SLC14A2: variants seen among roughly 807,000 people sequenced by gnomAD.
The protein encoded by SLC14A2 is solute carrier family 14 member 2.
SLC14A2 carries 91 observed loss-of-function variants against 104.6 expected under a neutral mutation model. The ratio of observed to expected loss-of-function variants is 0.87; its 90% CI spans 0.73 to 1.04. SLC14A2 has a LOEUF of 1.04. Ranked by LOEUF, SLC14A2 falls within the 50% of genes least tolerant of loss-of-function variation. The pLI, the probability that SLC14A2 is intolerant of heterozygous loss-of-function variation, is 0.00. For synonymous variants in SLC14A2, 476 were observed against 466.4 expected, an observed-to-expected ratio of 1.02 and a Z score of -0.27; for missense variants, 1,189 against 1,156.0, an observed-to-expected ratio of 1.03 and a Z score of -0.41.
At chr18:45,385,900 T>C (rs1344641958) in intron 1 of SLC14A2, among the ~76,000 whole-genome samples, 1 of 152,172 alleles carries the variant, frequency 6.6e-6, no homozygotes, top group African/African-American at 2.4e-5. Context: ...TAAAGTGGGC[T>C]TGAAGCAGCT....
rs116801767 is a variant in SLC14A2, at chr18:45,484,176, G to T, written c.-35+854G>T. Among the ~76,000 whole-genome samples the T allele has an allele frequency of 3.1e-3, 477 of 152,306 alleles. 1 individual carries two copies. Among genetic ancestry groups the T allele is most frequent in the African/African-American group, 0.011 (443 of 41,564 alleles). ...ATCTTCTAGGGACTCTGAGTTGTAT[G>T]TTAGGTCCTCTGTATCTAGCTGGGT... On this transcript the variant is annotated intron_variant, in intron 2 of 20. Transcript: ENST00000586448.
Position 45,644,055 on chromosome 18 carries a change from A to C in SLC14A2, c.1246A>C (p.Asn416His), listed in dbSNP as rs145817216. Residue 416 changes from asparagine (N) to histidine (H), a missense_variant, in exon 10 of 20, where the codon AAC becomes CAC. Transcript: ENST00000255226. ...TIIFLLLTTN[N>H]PAIFRLPLSK... ...CATCTTCCTGCTCCTGACGACAAAC[A>C]ACCCAGCCATCTTCAGACTCCCACT... 1.2e-6 allele frequency: 2 copies of C among 1,614,066 alleles called. No homozygotes were observed. Among genetic ancestry groups the C allele is most frequent in the African/African-American group, 1.3e-5 (1 of 74,926 alleles).
At chr18:45,453,864 T>G (rs1049701170) in intron 1 of SLC14A2, among the ~76,000 whole-genome samples, 4 of 138,434 alleles carry the variant, frequency 2.9e-5, no homozygotes, top group Admixed American at 7.2e-5. Flanking sequence ...TTTTTTTTTT[T>G]TTTTTTTTTT....
chr18:45,375,494 C>T (rs2085764065), intron 1 of SLC14A2, among the ~76,000 whole-genome samples: 1 of 152,188 alleles, frequency 6.6e-6, no homozygotes, highest in Non-Finnish European at 1.5e-5. Context: ...CCAATCAGCA[C>T]TCTCAACTCA....
chr18:45,356,563 A>C (rs913302485), intron 1 of SLC14A2, among the ~76,000 whole-genome samples: 1 of 152,238 alleles, frequency 6.6e-6, no homozygotes, highest in Non-Finnish European at 1.5e-5. Flanking sequence ...ACCTGAGACC[A>C]GAAAGCTGAC....
chr18:45,389,335 C>T (rs1408485333), intron 1 of SLC14A2, among the ~76,000 whole-genome samples: 1 of 152,162 alleles, frequency 6.6e-6, no homozygotes, highest in Admixed American at 6.5e-5. Context: ...CTACAGAATC[C>T]ATCTACATCA....
intron 1 of SLC14A2, among the ~76,000 whole-genome samples, chr18:45,391,202 T>G (rs997907911): frequency 6.6e-6 from 1 of 152,222 alleles, no homozygotes; most frequent in Non-Finnish European, 1.5e-5. Context: ...TGAGATAGTT[T>G]GCTGAGAATG....
intron 2 of SLC14A2, among the ~76,000 whole-genome samples, chr18:45,590,372 T>C (rs914430156): frequency 4.6e-5 from 7 of 152,034 alleles, no homozygotes; most frequent in Non-Finnish European, 1.0e-4. Context: ...TATGAAATGG[T>C]CCATCCTAAA....
intron 10 of SLC14A2, among the ~76,000 whole-genome samples, chr18:45,645,837 C>A (rs1024727597): frequency 1.3e-5 from 2 of 151,986 alleles, no homozygotes; most frequent in Non-Finnish European, 2.9e-5. Flanking sequence ...TAGATTTGGT[C>A]CACAAGCTGT....
In SLC14A2 at chr18:45,260,090, G is replaced by C. The variant is rs141532615; in HGVS notation, c.-125+46899G>C. Among the ~76,000 whole-genome samples, 1,316 of 152,296 alleles carry C rather than the reference G, an allele frequency of 8.6e-3. 5 individuals carry two copies. Among genetic ancestry groups the C allele is most frequent in the Non-Finnish European group, 0.012 (836 of 68,024 alleles). ...AGAGAATTTTCTATTTTCCAAGTTT[G>C]TTAAAATATACACAGATGACAAGTT... On this transcript the variant is annotated intron_variant, in intron 1 of 20. Coordinates refer to the SLC14A2 transcript ENST00000586448.
At position 45,244,799 on chromosome 18, in the gene SLC14A2, A is replaced by G. The variant is rs908267898; in HGVS notation, c.-125+31608A>G. ...GTTATGGTAGAAAGAGGCAGAAAAA[A>G]TAAGAAAGACAGTTTTAAACTCTCT... is the stretch of plus-strand genomic sequence containing the variant. On this transcript the variant is annotated intron_variant, in intron 1 of 20. Transcript: ENST00000586448. Among the ~76,000 whole-genome samples, 7 of 152,224 alleles carry G rather than the reference A, an allele frequency of 4.6e-5. No individual in the cohort carries two copies. The South Asian group carries it at 1.0e-3, about 23-fold the overall frequency.
intron 1 of SLC14A2, among the ~76,000 whole-genome samples, chr18:45,465,351 C>T (rs571885629): frequency 1.3e-5 from 2 of 152,322 alleles, no homozygotes; most frequent in African/African-American, 4.8e-5. Flanking sequence ...TGGAGCTGCA[C>T]TGTTGGCAGT....
At chr18:45,330,264 C>T (rs2144258518) in intron 1 of SLC14A2, among the ~76,000 whole-genome samples, 1 of 152,276 alleles carries the variant, frequency 6.6e-6, no homozygotes, top group African/African-American at 2.4e-5. Flanking sequence ...TGTGTTACAT[C>T]AAGACAGCCT....
rs543996139 is a variant in SLC14A2 at position 45,349,545 on chromosome 18, C to T, written c.-124-133688C>T. Among the ~76,000 whole-genome samples, 118 of 152,254 alleles carry T rather than the reference C, an allele frequency of 7.8e-4. 1 individual carries two copies. The highest frequency in any genetic ancestry group is 2.7e-3 in the African/African-American group (111 of 41,552). On this transcript the variant is annotated intron_variant, in intron 1 of 20. Transcript: ENST00000586448. ...GTAGACCAGCACATCCATTCCAGAACACAGCAAAGGTCAAGCAAGACAGAC... is the reference window on the plus strand; with the variant it reads ...GTAGACCAGCACATCCATTCCAGAATACAGCAAAGGTCAAGCAAGACAGAC...
At chr18:45,496,308 A>G (rs529892992) in intron 2 of SLC14A2, among the ~76,000 whole-genome samples, 5 of 152,346 alleles carry the variant, frequency 3.3e-5, no homozygotes, top group African/African-American at 1.2e-4. Flanking sequence ...GGACTGAAAG[A>G]TGCCTGGATA....
At chr18:45,385,956 G>A (rs757022528) in intron 1 of SLC14A2, among the ~76,000 whole-genome samples, 1 of 152,222 alleles carries the variant, frequency 6.6e-6, no homozygotes, top group Non-Finnish European at 1.5e-5. Context: ...TAGGGTTAAG[G>A]ACTGTGGGTG....
intron 1 of SLC14A2, among the ~76,000 whole-genome samples, chr18:45,236,082 TATATAC>T (rs2084235794): frequency 1.7e-5 from 1 of 59,094 alleles, no homozygotes; most frequent in Non-Finnish European, 2.8e-5. Flanking sequence ...TATATGTGTA[TATATAC>T]ATATATGTGT....
chr18:45,391,744 A>G (rs1162529797), intron 1 of SLC14A2, among the ~76,000 whole-genome samples: 1 of 152,152 alleles, frequency 6.6e-6, no homozygotes, highest in Non-Finnish European at 1.5e-5. Flanking sequence ...GTGTCTGTTC[A>G]TATCCTTCGC....
At chr18:45,596,860 CA>C in intron 2 of SLC14A2, among the ~76,000 whole-genome samples, 1 of 152,294 alleles carries the variant, frequency 6.6e-6, no homozygotes, top group South Asian at 2.1e-4. Context: ...CAAGATGACA[CA>C]AAAACTGCCT....
Sources: allele counts gnomAD v4.1 joint callset (sites outside exome capture counted in the v4.1 genomes callset), GRCh38; gene constraint gnomAD v4.1.1; transcripts MANE v1.5; gene names NCBI Gene and HGNC (gene_info 2026-07-23, HGNC 2026-07-21).